The following PBRM1 variants were observed in gnomAD, a reference collection of about 807,000 sequenced individuals.
The protein encoded by PBRM1 is polybromo 1, also known as protein polybromo-1.
PBRM1 carries 27 observed loss-of-function variants against 194.5 expected under a neutral mutation model. That is an observed-to-expected ratio of 0.14 (90% CI 0.10 to 0.19). The LOEUF is 0.19. PBRM1 is among the 10% of genes least tolerant of loss of function. The probability of loss-of-function intolerance (pLI) is 1.00; values close to 1 mark genes in which losing one functional copy is unlikely to be tolerated. For missense variants in PBRM1, 1,466 were observed against 2,077.2 expected, an observed-to-expected ratio of 0.71 and a Z score of 5.72; for synonymous variants, 655 against 693.2, an observed-to-expected ratio of 0.94 and a Z score of 0.87.
chr3:52,659,702 C>T (rs2096677987), intron 4 of PBRM1, among the ~76,000 whole-genome samples: 1 of 152,108 alleles, frequency 6.6e-6, no homozygotes, highest in Admixed American at 6.5e-5. Flanking sequence ...GGATTGCAGG[C>T]GTGAGCCACC....
chr3:52,621,276 C>T (rs1190870809), intron 13 of PBRM1, among the ~76,000 whole-genome samples: 5 of 152,202 alleles, frequency 3.3e-5, no homozygotes, highest in African/African-American at 7.2e-5. Flanking sequence ...TCTCCTGCCT[C>T]AGCCTCCCAA....
chr3:52,615,250 A>C, intron 15 of PBRM1, 101 bp downstream of exon 17: 1 of 669,866 alleles, frequency 1.5e-6, no homozygotes, highest in South Asian at 1.9e-5. Context: ...GAGTACAGTG[A>C]GTTCAAATAT....
chr3:52,653,985 C>T (rs1490908667), intron 5 of PBRM1, among the ~76,000 whole-genome samples: 2 of 152,216 alleles, frequency 1.3e-5, no homozygotes, highest in Non-Finnish European at 2.9e-5. Flanking sequence ...AGAAATTGAA[C>T]ATGTTGAGGA....
exon 4 of PBRM1, chr3:52,662,172 ATCATCATCTTCG>A: frequency 6.2e-7 from 1 of 1,614,104 alleles, no homozygotes; most frequent in Non-Finnish European, 8.5e-7. Flanking sequence ...GCCCATCTTC[ATCATCATCTTCG>A]TCATCTGCTT....
At chr3:52,610,460 A>G (rs1477004143) in intron 15 of PBRM1, among the ~76,000 whole-genome samples, 1 of 152,242 alleles carries the variant, frequency 6.6e-6, no homozygotes, top group Non-Finnish European at 1.5e-5. Flanking sequence ...GTAGCAGTAT[A>G]GCCCACATTA....
chr3:52,625,479 C>T (rs1284959492), intron 13 of PBRM1, among the ~76,000 whole-genome samples: 1 of 151,642 alleles, frequency 6.6e-6, no homozygotes, highest in East Asian at 1.9e-4. Context: ...TTGTGTTTTT[C>T]ACTTCATTTG....
chr3:52,627,905 G>A (rs1261246519), intron 12 of PBRM1, among the ~76,000 whole-genome samples: 1 of 152,170 alleles, frequency 6.6e-6, no homozygotes, highest in African/African-American at 2.4e-5. Flanking sequence ...TCAGCACTAA[G>A]GTTCACTGTT....
At chr3:52,637,172 G>A (rs190971130) in intron 10 of PBRM1, among the ~76,000 whole-genome samples, 79 of 152,098 alleles carry the variant, frequency 5.2e-4, no homozygotes, top group African/African-American at 1.7e-3. Context: ...TACTGTAAGC[G>A]GCATCTTTTA....
chr3:52,678,569 G>C, exon 2 of PBRM1: 1 of 1,610,332 alleles, frequency 6.2e-7, no homozygotes, highest in Non-Finnish European at 8.5e-7. Flanking sequence ...GTCTCGGATG[G>C]TATTATAGAG....
At chr3:52,627,624 G>A (rs35249778) in intron 12 of PBRM1, among the ~76,000 whole-genome samples, 1 of 151,966 alleles carries the variant, frequency 6.6e-6, no homozygotes, top group African/African-American at 2.4e-5. Context: ...GACTATAATG[G>A]GTGCTAACTG....
intron 29 of PBRM1, among the ~76,000 whole-genome samples, chr3:52,549,095 AC>A (rs2080213121): frequency 6.7e-6 from 1 of 150,254 alleles, no homozygotes; most frequent in Non-Finnish European, 1.5e-5. Flanking sequence ...ATCTTGGCTC[AC>A]TGCAACCTCC....
chr3:52,617,863 T>C (rs1055903729), intron 13 of PBRM1, among the ~76,000 whole-genome samples: 2 of 152,220 alleles, frequency 1.3e-5, no homozygotes, highest in African/African-American at 4.8e-5. Context: ...TCAACTGAGA[T>C]ATATTTTTTG....
At chr3:52,624,989 C>A (rs2095401367) in intron 13 of PBRM1, 48 bp from the exon 15 acceptor site, 4 of 1,312,088 alleles carry the variant, frequency 3.0e-6, no homozygotes, top group Non-Finnish European at 4.3e-6. Flanking sequence ...ACAAAACAAG[C>A]AACATTGGAG....
At chr3:52,568,471 CATTTTTATACAGCTGAATTT>C (rs1320872587) in intron 22 of PBRM1, among the ~76,000 whole-genome samples, 3 of 152,092 alleles carry the variant, frequency 2.0e-5, no homozygotes, top group Non-Finnish European at 4.4e-5. Flanking sequence ...AGATATTTTC[CATTTTTATACAGCTGAATTT>C]ATCAGTATTT....
At chr3:52,643,154 A>C (rs997530305) in intron 9 of PBRM1, 94 bp downstream of exon 10, 1 of 915,836 alleles carries the variant, frequency 1.1e-6, no homozygotes, top group Non-Finnish European at 1.8e-6. Flanking sequence ...ACTATACCCA[A>C]AAATATTCCT....
At chr3:52,662,221 G>A in exon 4 of PBRM1, 1 of 1,613,140 alleles carries the variant, frequency 6.2e-7, no homozygotes, top group Middle Eastern at 1.7e-4. Flanking sequence ...CTCATTTCTT[G>A]TTCGAAGGTA....
intron 10 of PBRM1, among the ~76,000 whole-genome samples, chr3:52,641,471 A>G (rs1051062016): frequency 5.3e-5 from 8 of 151,114 alleles, no homozygotes; most frequent in East Asian, 1.9e-4. Flanking sequence ...AAAGAAAAAA[A>G]AAAGAAAGAA....
chr3:52,601,597 A>G, intron 17 of PBRM1, among the ~76,000 whole-genome samples: 1 of 146,952 alleles, frequency 6.8e-6, no homozygotes. Context: ...GGGGGTGGGG[A>G]GGAGGTGGGG....
chr3:52,555,480 T>C (rs914342984), intron 26 of PBRM1, among the ~76,000 whole-genome samples: 6 of 152,216 alleles, frequency 3.9e-5, no homozygotes, highest in Non-Finnish European at 8.8e-5. Context: ...GAACAGCTTC[T>C]AAGAACCATC....
Sources: allele counts gnomAD v4.1 joint callset (sites outside exome capture counted in the v4.1 genomes callset), GRCh38; gene constraint gnomAD v4.1.1; transcripts MANE v1.5; gene names NCBI Gene and HGNC (gene_info 2026-07-23, HGNC 2026-07-21).